ETFA: variants seen among roughly 807,000 people sequenced by gnomAD.
ETFA encodes electron transfer flavoprotein subunit alpha, also known as electron transfer flavoprotein subunit alpha, mitochondrial.
ETFA carries 22 observed loss-of-function variants against 46.2 expected under a neutral mutation model. The ratio of observed to expected loss-of-function variants is 0.48; its 90% confidence interval spans 0.34 to 0.68. ETFA has a LOEUF of 0.68. Ranked by LOEUF, ETFA falls within the 30% of genes least tolerant of loss-of-function variation. The probability of loss-of-function intolerance (pLI) is 0.01; values close to 1 mark genes in which losing one functional copy is unlikely to be tolerated. For synonymous variants in ETFA, 131 were observed against 139.9 expected (o/e 0.94, Z 0.45); for missense variants, 345 against 401.1 (o/e 0.86, Z 1.19).
At chr15:76,286,950 C>G (rs1187492060) in intron 5 of ETFA, among the ~76,000 whole-genome samples, 1 of 152,228 alleles carries the variant, frequency 6.6e-6, no homozygotes, top group Non-Finnish European at 1.5e-5. Flanking sequence ...TTGAGACACT[C>G]TGGATTAGCT....
Position 76,225,906 on chromosome 15 carries a change from G to T in ETFA, c.906C>A (p.Asp302Glu). 6.2e-7 allele frequency: 1 copy of T among 1,610,298 alleles called. No homozygotes were observed. The highest frequency in any genetic ancestry group is 8.5e-7 in the Non-Finnish European group (1 of 1,176,670). ...DSKTIVAINK[D>E]PEAPIFQVAD... ...CCACTTGGAAAATTGGAGCTTCTGG[G>T]TCTTTATTAATTGCCACAATTGTCT... Residue 302 changes from aspartate (D) to glutamate (E), a missense_variant, in exon 11 of 12, where the codon GAC becomes GAA. Asp to Glu is a conservative substitution (Grantham distance 45, BLOSUM62 2). Transcript: ENST00000557943.
chr15:76,255,209 C>A (rs1046246391), intron 9 of ETFA, among the ~76,000 whole-genome samples: 1 of 152,176 alleles, frequency 6.6e-6, no homozygotes, highest in Non-Finnish European at 1.5e-5. Flanking sequence ...AGTTATCTTT[C>A]TCTTAGGTTT....
Position 76,260,913 on chromosome 15 carries a change from G to A in ETFA, c.816+13499C>T, listed in dbSNP as rs567356887. 11,577 of 1,610,346 alleles carry A rather than the reference G, an allele frequency of 7.2e-3. 26 individuals are homozygous for A. The highest frequency in any genetic ancestry group is 8.9e-3 in the Non-Finnish European group (10,540 of 1,178,142). ...AGCCAGGACTTCCCAGCCTCCTGGG[G>A]CCTGTGTCACCTGAACTGTACAGGA... On this transcript the variant is annotated intron_variant, in intron 9 of 11. Transcript: ENST00000557943.
At chr15:76,252,159 T>C (rs1286744343) in intron 9 of ETFA, among the ~76,000 whole-genome samples, 1 of 152,190 alleles carries the variant, frequency 6.6e-6, no homozygotes, top group Admixed American at 6.5e-5. Context: ...ATCTTTTTTA[T>C]TAAGGTGACT....
chr15:76,270,902 G>C (rs1444047585), intron 9 of ETFA, among the ~76,000 whole-genome samples: 1 of 152,144 alleles, frequency 6.6e-6, no homozygotes, highest in Non-Finnish European at 1.5e-5. Flanking sequence ...GGGCATAGTG[G>C]CTCATGCTTG....
chr15:76,280,085 C>T (rs2039632791), intron 8 of ETFA, among the ~76,000 whole-genome samples: 1 of 151,904 alleles, frequency 6.6e-6, no homozygotes, highest in South Asian at 2.1e-4. Flanking sequence ...TTTTTATCTA[C>T]ACTCCCTCCC....
intron 9 of ETFA, among the ~76,000 whole-genome samples, chr15:76,240,802 C>G (rs1466483909): frequency 2.6e-5 from 4 of 151,818 alleles, no homozygotes; most frequent in Non-Finnish European, 4.4e-5. Flanking sequence ...ATCCCAACTA[C>G]TTGGGAAGCT....
intron 1 of ETFA, among the ~76,000 whole-genome samples, chr15:76,302,708 A>G (rs2039892218): frequency 6.6e-6 from 1 of 152,230 alleles, no homozygotes; most frequent in African/African-American, 2.4e-5. Flanking sequence ...AAATTCATTA[A>G]TTGTAACAAA....
At chr15:76,238,862 T>G (rs2039154186) in intron 9 of ETFA, among the ~76,000 whole-genome samples, 1 of 152,232 alleles carries the variant, frequency 6.6e-6, no homozygotes, top group Non-Finnish European at 1.5e-5. Context: ...TGTGGCTCTT[T>G]TCTCAAACAG....
chr15:76,266,515 G>A lies in ETFA; in HGVS notation c.816+7897C>T, dbSNP rs575474546. 1.2e-4 allele frequency among the ~76,000 whole-genome samples: 18 copies of A among 152,276 alleles called. No individual in the cohort carries two copies. In the East Asian group the frequency reaches 2.5e-3, roughly 21 times the overall value. On this transcript the variant is annotated intron_variant, in intron 9 of 11. Coordinates refer to ENST00000557943, the MANE Select transcript of ETFA (RefSeq NM_000126.4). ...TACAAACAGAAAAGGCTGTAAATGC[G>A]GCAGGGTTAATTATAGCCCCCGATA...
intron 9 of ETFA, among the ~76,000 whole-genome samples, chr15:76,239,486 A>C (rs1414519256): frequency 1.3e-5 from 2 of 152,084 alleles, no homozygotes; most frequent in Admixed American, 1.3e-4. Flanking sequence ...AGATCCCCAG[A>C]ATTTATTCAT....
At chr15:76,308,481 T>C in intron 1 of ETFA, among the ~76,000 whole-genome samples, 1 of 152,174 alleles carries the variant, frequency 6.6e-6, no homozygotes, top group South Asian at 2.1e-4. Context: ...ATACCACTTT[T>C]GTGATATTCC....
chr15:76,231,432 TTTATA>T (rs775763421), intron 9 of ETFA, 34 bp from the exon 10 acceptor site: 16 of 1,286,720 alleles, frequency 1.2e-5, no homozygotes, highest in Non-Finnish European at 2.2e-6. Context: ...TTAATATGTA[TTTATA>T]TTATATAATA....
At chr15:76,248,664 G>C (rs2039266335) in intron 9 of ETFA, among the ~76,000 whole-genome samples, 1 of 152,036 alleles carries the variant, frequency 6.6e-6, no homozygotes, top group African/African-American at 2.4e-5. Context: ...AATACATAAA[G>C]AACTTCCAAG....
intron 1 of ETFA, among the ~76,000 whole-genome samples, chr15:76,302,959 A>G (rs2039895457): frequency 6.6e-6 from 1 of 152,074 alleles, no homozygotes; most frequent in Non-Finnish European, 1.5e-5. Context: ...AGGACTACAG[A>G]TGTGTACTAC....
intron 1 of ETFA, among the ~76,000 whole-genome samples, chr15:76,302,517 T>TTTG (rs763858280): frequency 1.8e-4 from 27 of 152,156 alleles, no homozygotes; most frequent in Non-Finnish European, 3.2e-4. Flanking sequence ...ATAGAGGTTT[T>TTTG]TTGTTGTTGT....
intron 8 of ETFA, among the ~76,000 whole-genome samples, chr15:76,283,071 C>A (rs2039670793): frequency 6.6e-6 from 1 of 152,082 alleles, no homozygotes; most frequent in Admixed American, 6.5e-5. Flanking sequence ...TAACTACAAA[C>A]TTAAAAACTT....
intron 8 of ETFA, among the ~76,000 whole-genome samples, chr15:76,278,138 A>C (rs2039614382): frequency 6.6e-6 from 1 of 152,166 alleles, no homozygotes; most frequent in African/African-American, 2.4e-5. Context: ...TGGAGATTTC[A>C]ACACTTGGAG....
intron 9 of ETFA, among the ~76,000 whole-genome samples, chr15:76,246,218 G>A (rs1468204840): frequency 6.6e-6 from 1 of 152,132 alleles, no homozygotes; most frequent in Non-Finnish European, 1.5e-5. Context: ...TATGAAGTAT[G>A]AATTATTATT....
Sources: allele counts gnomAD v4.1 joint callset (sites outside exome capture counted in the v4.1 genomes callset), GRCh38; gene constraint gnomAD v4.1.1; transcripts MANE v1.5; gene names NCBI Gene and HGNC (gene_info 2026-07-23, HGNC 2026-07-21).